Variants in GGNBP2 observed in about 807,000 individuals in gnomAD.
The protein encoded by GGNBP2 is gametogenetin binding protein 2, also known as gametogenetin-binding protein 2.
A neutral mutation model predicts 85.9 loss-of-function variants in GGNBP2; 10 were observed. The ratio of observed to expected loss-of-function variants is 0.12; its 90% CI spans 0.07 to 0.20. The LOEUF (loss-of-function observed/expected upper bound fraction) is 0.20. GGNBP2 is among the 10% of genes least tolerant of loss of function. The pLI is 1.00. For synonymous variants in GGNBP2, 287 were observed against 285.7 expected (o/e 1.00, Z -0.05); for missense variants, 595 against 857.8 (o/e 0.69, Z 3.83).
At chr17:36,569,303 T>G (rs2074499533) in intron 6 of GGNBP2, among the ~76,000 whole-genome samples, 1 of 152,138 alleles carries the variant, frequency 6.6e-6, no homozygotes, top group Non-Finnish European at 1.5e-5. Context: ...TCCCAGCTAC[T>G]TGGGAGACTG....
chr17:36,579,352 G>A lies in GGNBP2; in HGVS notation c.953G>A (p.Arg318Gln), dbSNP rs1419689642. 1.9e-6 allele frequency: 3 copies of A among 1,613,994 alleles called. No individual in the cohort carries two copies. Among genetic ancestry groups the A allele is most frequent in the Non-Finnish European group, 1.7e-6 (2 of 1,179,990 alleles). Residue 318 changes from arginine (R) to glutamine (Q), a missense_variant, in exon 8 of 14, where the codon CGG becomes CAG. Around this residue, in one of 9 missense-constraint regions of GGNBP2, gnomAD observed 92 missense variants for 183.9 expected, o/e 0.50. Coordinates refer to ENST00000613102, the MANE Select transcript of GGNBP2 (RefSeq NM_024835.5). ...ERLHRIWQKLRAEEQTWQMLF... is the reference protein window; with the variant it reads ...ERLHRIWQKLQAEEQTWQMLF... ...CTGCATCGAATCTGGCAGAAGCTAC[G>A]GGCAGAAGAGCAGACATGGCAGATG...
chr17:36,549,145 CT>C (rs1475797785), intron 2 of GGNBP2, among the ~76,000 whole-genome samples: 2 of 151,964 alleles, frequency 1.3e-5, no homozygotes, highest in African/African-American at 4.8e-5. Flanking sequence ...TTCAGTGTTA[CT>C]ACAATTATAA....
intron 4 of GGNBP2, among the ~76,000 whole-genome samples, chr17:36,559,365 G>A (rs373797320): frequency 4.5e-4 from 68 of 151,462 alleles, no homozygotes; most frequent in Non-Finnish European, 7.5e-4. Context: ...ACGAGACTGA[G>A]GAGAAATGTA....
At position 36,554,905 on chromosome 17, in the gene GGNBP2, T is replaced by C; in HGVS notation, c.174+5T>C. The C allele has an allele frequency of 6.4e-7, 1 of 1,557,198 alleles. No individual in the cohort carries two copies. Among genetic ancestry groups the C allele is most frequent in the Non-Finnish European group, 8.9e-7 (1 of 1,128,196 alleles). ...CAGCTAAAGCAGTTCATTCAGGTAA[T>C]AGTTTTTTCAATCAGTGTTTTTAAT... On this transcript the variant is annotated splice_donor_5th_base_variant and intron_variant, in intron 3 of 13. Transcript: ENST00000613102.
intron 6 of GGNBP2, among the ~76,000 whole-genome samples, chr17:36,575,646 A>ATTTTTTTTTT (rs1360835058): frequency 1.1e-4 from 6 of 54,600 alleles, no homozygotes; most frequent in African/African-American, 2.4e-4. Context: ...ATATATATAT[A>ATTTTTTTTTT]TATTTTTTTT....
chr17:36,563,658 T>C (rs2074441440), intron 5 of GGNBP2, among the ~76,000 whole-genome samples: 1 of 151,906 alleles, frequency 6.6e-6, no homozygotes, highest in Non-Finnish European at 1.5e-5. Flanking sequence ...CATTATGTTC[T>C]TGTAGCCTGA....
intron 13 of GGNBP2, among the ~76,000 whole-genome samples, chr17:36,588,054 C>G (rs912161667): frequency 3.9e-5 from 6 of 152,164 alleles, no homozygotes; most frequent in African/African-American, 1.2e-4. Flanking sequence ...CCTTCCATAC[C>G]AGAAAGAATA....
intron 5 of GGNBP2, among the ~76,000 whole-genome samples, chr17:36,564,552 G>A (rs112379477): frequency 4.8e-4 from 73 of 152,280 alleles, no homozygotes; most frequent in Non-Finnish European, 9.4e-4. Flanking sequence ...GCTGAGTATG[G>A]AATCAGTGTG....
Position 36,545,657 on chromosome 17 carries a change from ACAG to A in GGNBP2, c.-63_-61del, listed in dbSNP as rs968094115. ...GGAGGCGGCAGCGGCGGCGGCAGAA[ACAG>A]CAGCGGCGGCGGCGGCGGCAGCTGG... On this transcript the variant is annotated 5_prime_UTR_variant, in exon 2 of 14. Coordinates refer to ENST00000613102, the MANE Select transcript of GGNBP2 (RefSeq NM_024835.5). 6.1e-4 allele frequency: 771 copies of A among 1,269,148 alleles called. 1 individual carries two copies. The highest frequency in any genetic ancestry group is 8.2e-4 in the Non-Finnish European group (729 of 893,696). The allele number at this position is 1,269,148 out of a possible 1,614,324, so 78.6% of individuals were successfully genotyped here.
chr17:36,549,412 G>A (rs2074287401), intron 2 of GGNBP2, among the ~76,000 whole-genome samples: 1 of 152,096 alleles, frequency 6.6e-6, no homozygotes, highest in African/African-American at 2.4e-5. Flanking sequence ...CCCTATGTTG[G>A]CCAGGCTGGT....
intron 6 of GGNBP2, among the ~76,000 whole-genome samples, chr17:36,569,397 C>G (rs753956454): frequency 6.6e-6 from 1 of 152,026 alleles, no homozygotes; most frequent in African/African-American, 2.4e-5. Context: ...AGCAAGACTC[C>G]GTCTCAAAAA....
At chr17:36,567,878 C>T in intron 6 of GGNBP2, 102 bp downstream of exon 6, 2 of 593,648 alleles carry the variant, frequency 3.4e-6, no homozygotes, top group Non-Finnish European at 6.1e-6. Context: ...GCATTCTAGC[C>T]TTCCCTTTAA....
chr17:36,589,364 A>G lies in GGNBP2; in HGVS notation c.2047A>G (p.Lys683Glu). 6.2e-7 allele frequency: 1 copy of G among 1,614,112 alleles called. No homozygotes were observed. The highest frequency in any genetic ancestry group is 8.5e-7 in the Non-Finnish European group (1 of 1,179,968). ...TAAATACTGCCGGTTAAATGATCAC[A>G]AGAGGCCCATTTGTAGTGGCTGGTT... Reference protein sequence around the residue: ...FNKYCRLNDHKRPICSGWLTT... With the variant: ...FNKYCRLNDHERPICSGWLTT... The change falls in exon 14 of 14, where the codon AAG becomes GAG. Residue 683 changes from lysine (K) to glutamate (E), a missense_variant. Physicochemically the swap from Lys to Glu is moderately conservative, Grantham distance 56. Around this residue, in one of 9 missense-constraint regions of GGNBP2, gnomAD observed 26 missense variants for 26.9 expected, o/e 0.97. Coordinates refer to ENST00000613102, the MANE Select transcript of GGNBP2 (RefSeq NM_024835.5).
chr17:36,552,812 G>A (rs909998858), intron 2 of GGNBP2, among the ~76,000 whole-genome samples: 4 of 152,226 alleles, frequency 2.6e-5, no homozygotes, highest in East Asian at 1.9e-4. Context: ...CCTGAGCTCC[G>A]GAGTTTGAAA....
intron 2 of GGNBP2, among the ~76,000 whole-genome samples, chr17:36,550,485 T>A (rs2074298473): frequency 6.6e-6 from 1 of 152,236 alleles, no homozygotes; most frequent in Non-Finnish European, 1.5e-5. Context: ...TTTCAACTTT[T>A]AACAGTTAAT....
chr17:36,576,595 A>ATGTGTGTGTGTGTGTGTGTG (rs71159620), intron 6 of GGNBP2: 4 of 51,492 alleles, frequency 7.8e-5, no homozygotes, highest in African/African-American at 2.9e-4. Flanking sequence ...ATATATATAT[A>ATGTGTGTGTGTGTGTGTGTG]TGTGTGTGTG....
rs143773385 is a variant in GGNBP2 at position 36,586,092 on chromosome 17, A to G, written c.1535A>G (p.Asp512Gly). 1 of 1,614,214 alleles carries G rather than the reference A, an allele frequency of 6.2e-7. No homozygotes were observed. The highest frequency in any genetic ancestry group is 8.5e-7 in the Non-Finnish European group (1 of 1,180,036). The change falls in exon 12 of 14, where the codon GAT becomes GGT. Residue 512 changes from aspartate (D) to glycine (G), a missense_variant. Asp to Gly is a moderately conservative substitution (Grantham distance 94). This residue lies in a region of GGNBP2 where 35 missense variants were observed against 49.6 expected (regional missense o/e 0.71). Transcript: ENST00000613102. ...CVHHCEDKED[D>G]GDSCVECWAN... ...CATCACTGTGAAGACAAAGAGGATG[A>G]TGGTGATAGTTGTGTTGAATGTTGG...
At chr17:36,587,321 G>C (rs1383766384) in intron 13 of GGNBP2, 76 bp downstream of exon 13, 6 of 1,462,166 alleles carry the variant, frequency 4.1e-6, no homozygotes, top group Admixed American at 1.7e-5. Context: ...AGTATTTGAG[G>C]GCTTAAGGTA....
chr17:36,564,825 A>G (rs2074453346), intron 5 of GGNBP2, among the ~76,000 whole-genome samples: 1 of 151,444 alleles, frequency 6.6e-6, no homozygotes, highest in Non-Finnish European at 1.5e-5. Flanking sequence ...AATACAGTTG[A>G]TTAGGTTTTA....
Sources: gnomAD v4.1 joint callset for allele counts (sites outside exome capture counted in the v4.1 genomes callset) on GRCh38, gnomAD v4.1.1 for gene constraint, gnomAD v4.1.1 regional missense constraint, MANE v1.5 for transcripts, NCBI Gene and HGNC (gene_info 2026-07-23, HGNC 2026-07-21) for gene names.